The following NME7 variants were observed in gnomAD, a reference collection of about 807,000 sequenced individuals.
The protein encoded by NME7 is nucleoside diphosphate kinase 7.
Under a neutral mutation model 49.1 loss-of-function variants are expected in NME7, and 41 were observed. The ratio of observed to expected loss-of-function variants is 0.83; its 90% CI spans 0.65 to 1.08. The LOEUF (loss-of-function observed/expected upper bound fraction) is 1.08, where lower values mean the gene tolerates loss of function less well. Among genes scored for constraint, NME7 ranks in the 50% least tolerant of loss-of-function variants. The pLI, the probability that NME7 is intolerant of heterozygous loss-of-function variation, is 0.00. For missense variants in NME7, 423 were observed against 463.4 expected (o/e 0.91, Z 0.80); for synonymous variants, 139 against 150.6 (o/e 0.92, Z 0.56).
At chr1:169,237,389 A>G (rs1205263326) in intron 8 of NME7, among the ~76,000 whole-genome samples, 1 of 152,060 alleles carries the variant, frequency 6.6e-6, no homozygotes, top group Admixed American at 6.6e-5. Flanking sequence ...AACTTACCTT[A>G]TAAGCTTAAA....
At chr1:169,338,742 A>G (rs755975634) in intron 1 of NME7, among the ~76,000 whole-genome samples, 1 of 152,196 alleles carries the variant, frequency 6.6e-6, no homozygotes, top group African/African-American at 2.4e-5. Flanking sequence ...CAGCCAATGT[A>G]TATTTCTGTT....
intron 6 of NME7, among the ~76,000 whole-genome samples, chr1:169,296,479 T>C (rs968182182): frequency 3.9e-5 from 6 of 152,190 alleles, no homozygotes; most frequent in Middle Eastern, 6.8e-3. Context: ...TTACCTTTTA[T>C]CAAGATGTAG....
chr1:169,324,603 A>G (rs1651986906), intron 1 of NME7, 103 bp from the exon 2 acceptor site: 2 of 667,236 alleles, frequency 3.0e-6, no homozygotes, highest in Non-Finnish European at 5.2e-6. Context: ...AAACAAAATT[A>G]CTTCTACCTA....
rs754611575 is a variant in NME7 at position 169,169,529 on chromosome 1, C to G, written c.1016G>C (p.Gly339Ala). The change falls in exon 11 of 12, where the codon GGA (glycine) becomes GCA (alanine). Residue 339 changes from glycine to alanine, a missense_variant. Gly to Ala is a moderately conservative substitution (Grantham distance 60). Coordinates refer to ENST00000367811, the MANE Select transcript of NME7 (RefSeq NM_013330.5). ...TTTACCAAAGATTGCTCTGAGAGTT[C>G]CAGGGCGTAAATGCCGGGCAATTTC... The part of the protein sequence containing the change: ...DPEIARHLRP[G>A]TLRAIFGKTK... 87 of 1,613,838 alleles carry G rather than the reference C, an allele frequency of 5.4e-5. 1 individual carries two copies. The South Asian group carries it at 8.6e-4, about 16-fold the overall frequency.
intron 7 of NME7, among the ~76,000 whole-genome samples, chr1:169,273,741 T>C (rs1454076504): frequency 8.0e-6 from 1 of 124,680 alleles, no homozygotes; most frequent in Non-Finnish European, 1.9e-5. Flanking sequence ...GATAGTTTAC[T>C]GAGAATGATG....
chr1:169,203,605 T>G (rs1345420821), intron 10 of NME7, among the ~76,000 whole-genome samples: 1 of 152,066 alleles, frequency 6.6e-6, no homozygotes, highest in Non-Finnish European at 1.5e-5. Flanking sequence ...GTGCTCAGTC[T>G]CCGTAGAATG....
intron 1 of NME7, among the ~76,000 whole-genome samples, chr1:169,366,210 AT>A (rs1394598532): frequency 6.6e-6 from 1 of 152,244 alleles, no homozygotes; most frequent in African/African-American, 2.4e-5. Context: ...AGTAAAAGGA[AT>A]TAATGACTAT....
chr1:169,285,019 ATG>A (rs1334083073), intron 7 of NME7: 15 of 152,116 alleles, frequency 9.9e-5, no homozygotes, highest in African/African-American at 2.9e-4. Flanking sequence ...TGAGTGTACT[ATG>A]TGTGTTTATG....
intron 7 of NME7, among the ~76,000 whole-genome samples, chr1:169,261,354 T>C (rs867791392): frequency 1.5e-5 from 2 of 134,020 alleles, no homozygotes; most frequent in African/African-American, 5.1e-5. Flanking sequence ...TAGAGAAAGA[T>C]CAATCTAAGC....
chr1:169,176,388 G>T (rs1659750542), intron 10 of NME7, among the ~76,000 whole-genome samples: 1 of 152,018 alleles, frequency 6.6e-6, no homozygotes, highest in African/African-American at 2.4e-5. Flanking sequence ...ACACTTATTG[G>T]CACTGGAAAA....
chr1:169,258,389 TATATATATATATATATACACAC>T (rs1346042526), intron 7 of NME7, among the ~76,000 whole-genome samples: 3 of 85,756 alleles, frequency 3.5e-5, no homozygotes, highest in African/African-American at 1.3e-4. Flanking sequence ...TATATATATA[TATATATATATATATATACACAC>T]ACACACACAC....
intron 1 of NME7, among the ~76,000 whole-genome samples, chr1:169,340,134 G>C (rs951284652): frequency 6.6e-5 from 10 of 152,016 alleles, no homozygotes; most frequent in African/African-American, 2.4e-4. Flanking sequence ...TTTGGCTCTG[G>C]GTCCCCAGCC....
intron 10 of NME7, among the ~76,000 whole-genome samples, chr1:169,197,917 AGTAAC>A (rs931341400): frequency 6.6e-6 from 1 of 152,122 alleles, no homozygotes; most frequent in African/African-American, 2.4e-5. Flanking sequence ...CAACAAGAAA[AGTAAC>A]AGACAGCCCA....
At chr1:169,193,176 T>C (rs1557982100) in intron 10 of NME7, among the ~76,000 whole-genome samples, 2 of 152,068 alleles carry the variant, frequency 1.3e-5, no homozygotes, top group African/African-American at 4.8e-5. Flanking sequence ...AGATCATGCT[T>C]GTACATACTT....
intron 7 of NME7, among the ~76,000 whole-genome samples, chr1:169,268,400 A>G (rs1649384330): frequency 7.5e-6 from 1 of 134,066 alleles, no homozygotes; most frequent in Admixed American, 7.3e-5. Flanking sequence ...AAAGGCCTAA[A>G]GCCATAAATA....
At chr1:169,228,603 G>A (rs1172669641) in intron 10 of NME7, among the ~76,000 whole-genome samples, 1 of 150,608 alleles carries the variant, frequency 6.6e-6, no homozygotes, top group Non-Finnish European at 1.5e-5. Context: ...CGTGAACCCG[G>A]GAAGCGGAGC....
intron 1 of NME7, among the ~76,000 whole-genome samples, chr1:169,356,037 A>G (rs1406994143): frequency 1.3e-5 from 2 of 152,054 alleles, no homozygotes; most frequent in Admixed American, 6.6e-5. Flanking sequence ...CTGTTTGTCC[A>G]CTCCTGGTCT....
chr1:169,224,161 C>G (rs1482848705), intron 10 of NME7, among the ~76,000 whole-genome samples: 1 of 152,204 alleles, frequency 6.6e-6, no homozygotes, highest in African/African-American at 2.4e-5. Context: ...CAATCAGGCT[C>G]TGACACACCA....
At chr1:169,245,432 C>T (rs559441277) in intron 7 of NME7, among the ~76,000 whole-genome samples, 1 of 152,220 alleles carries the variant, frequency 6.6e-6, no homozygotes, top group African/African-American at 2.4e-5. Context: ...CACCTGTATG[C>T]TTTGCTTCAC....
Sources: gnomAD v4.1 joint callset for allele counts (sites outside exome capture counted in the v4.1 genomes callset) on GRCh38, gnomAD v4.1.1 for gene constraint, MANE v1.5 for transcripts, NCBI Gene and HGNC (gene_info 2026-07-23, HGNC 2026-07-21) for gene names.